The following RBL1 variants were observed in gnomAD, a reference collection of about 807,000 sequenced individuals.
The protein encoded by RBL1 is retinoblastoma-like protein 1.
RBL1 carries 82 observed loss-of-function variants against 123.0 expected under a neutral mutation model. The ratio of observed to expected loss-of-function variants is 0.67; its 90% confidence interval spans 0.56 to 0.80. RBL1 has a LOEUF of 0.80. Among genes scored for constraint, RBL1 ranks in the 30% least tolerant of loss-of-function variants. RBL1 has a pLI of 0.00. For synonymous variants in RBL1, 405 were observed against 441.3 expected (o/e 0.92, Z 1.03); for missense variants, 1,171 against 1,299.6 (o/e 0.90, Z 1.52).
intron 7 of RBL1, 99 bp from the exon 8 acceptor site, chr20:37,062,369 A>C: frequency 6.8e-7 from 1 of 1,462,124 alleles, no homozygotes; most frequent in Non-Finnish European, 9.0e-7. Flanking sequence ...AAAACTTGAC[A>C]ACTTTCTAAT....
chr20:37,018,168 T>C, intron 19 of RBL1, 111 bp downstream of exon 19: 1 of 1,243,644 alleles, frequency 8.0e-7, no homozygotes, highest in Non-Finnish European at 1.1e-6. Flanking sequence ...ATATGCATTG[T>C]CCACCTCACC....
intron 20 of RBL1, 56 bp downstream of exon 20, chr20:37,007,355 A>T (rs931742110): frequency 7.7e-6 from 12 of 1,560,518 alleles, no homozygotes; most frequent in Admixed American, 1.9e-5. Context: ...AAATAAACTT[A>T]TAGTAATCCA....
intron 19 of RBL1, among the ~76,000 whole-genome samples, chr20:37,011,467 C>T (rs1025904872): frequency 2.9e-5 from 4 of 136,594 alleles, no homozygotes; most frequent in African/African-American, 5.6e-5. Context: ...AAGAGTCTTG[C>T]TCTGTTGCCT....
At chr20:37,062,790 C>T (rs530741089) in intron 7 of RBL1, among the ~76,000 whole-genome samples, 1 of 150,292 alleles carries the variant, frequency 6.7e-6, no homozygotes, top group African/African-American at 2.5e-5. Flanking sequence ...CCCATCTCTA[C>T]TAAAAATACA....
intron 20 of RBL1, among the ~76,000 whole-genome samples, chr20:37,006,062 T>G (rs2064067424): frequency 6.6e-6 from 1 of 151,232 alleles, no homozygotes. Context: ...ACTACACGGC[T>G]AGTTTTTAGT....
At chr20:37,031,835 C>T (rs542570583) in intron 16 of RBL1, among the ~76,000 whole-genome samples, 78 of 151,666 alleles carry the variant, frequency 5.1e-4, no homozygotes, top group African/African-American at 1.8e-3. Flanking sequence ...ACCTCCTGGG[C>T]TCATGTGATC....
chr20:37,052,084 G>A (rs1198661281), intron 11 of RBL1, among the ~76,000 whole-genome samples: 1 of 151,680 alleles, frequency 6.6e-6, no homozygotes, highest in African/African-American at 2.4e-5. Context: ...CCAGGCTGGA[G>A]TGCAGTGGTG....
chr20:37,059,905 GC>G (rs1311627674), intron 9 of RBL1, among the ~76,000 whole-genome samples: 1 of 152,004 alleles, frequency 6.6e-6, no homozygotes, highest in Non-Finnish European at 1.5e-5. Context: ...GGGCGCGGTG[GC>G]TCACGTCTGT....
Position 37,003,775 on chromosome 20 carries a change from G to A in RBL1, c.2963C>T (p.Ser988Phe). Residue 988 changes from serine to phenylalanine, a missense_variant, in exon 21 of 22, where the codon TCC (serine) becomes TTC (phenylalanine). Coordinates refer to ENST00000373664, the MANE Select transcript of RBL1 (RefSeq NM_002895.5). ...AAGGCCTGACCCATTCTTGTGCGGG[G>A]AAATATAAATGGAGTGCTGCTGGGA... ...RISQQHSIYI[S>F]PHKNGSGLTP... 6.2e-7 allele frequency: 1 copy of A among 1,614,034 alleles called. No individual in the cohort carries two copies. The highest frequency in any genetic ancestry group is 1.3e-5 in the African/African-American group (1 of 75,026).
chr20:37,000,340 G>A (rs1282462883), intron 21 of RBL1, among the ~76,000 whole-genome samples: 18 of 149,964 alleles, frequency 1.2e-4, no homozygotes, highest in African/African-American at 2.7e-4. Flanking sequence ...CCCCCCACCC[G>A]GCCAGCCGCC....
chr20:37,080,016 A>C (rs1470597435), intron 2 of RBL1, among the ~76,000 whole-genome samples: 2 of 152,218 alleles, frequency 1.3e-5, no homozygotes. Context: ...AAAAATAGTC[A>C]AGGCTGGAAT....
At chr20:37,011,404 C>CTGAG (rs2064145507) in intron 19 of RBL1, among the ~76,000 whole-genome samples, 1 of 150,110 alleles carries the variant, frequency 6.7e-6, no homozygotes, top group African/African-American at 2.5e-5. Context: ...ATGACCAATG[C>CTGAG]TTTGCTCATT....
At chr20:37,034,289 A>G (rs1376796882) in intron 15 of RBL1, among the ~76,000 whole-genome samples, 1 of 152,030 alleles carries the variant, frequency 6.6e-6, no homozygotes, top group Non-Finnish European at 1.5e-5. Flanking sequence ...TTATACTTTA[A>G]ATTTATGGAA....
At chr20:37,038,183 G>C (rs554810372) in intron 14 of RBL1, among the ~76,000 whole-genome samples, 8 of 150,974 alleles carry the variant, frequency 5.3e-5, no homozygotes, top group Admixed American at 4.6e-4. Context: ...GTAGAGACAG[G>C]GTTTCACCAT....
At chr20:37,068,472 C>A (rs1315916240) in intron 2 of RBL1, among the ~76,000 whole-genome samples, 4 of 151,682 alleles carry the variant, frequency 2.6e-5, no homozygotes, top group Middle Eastern at 3.2e-3. Flanking sequence ...GGTGACAAAG[C>A]AAGACACTGT....
intron 16 of RBL1, among the ~76,000 whole-genome samples, chr20:37,025,267 C>T (rs925716443): frequency 1.3e-5 from 2 of 152,198 alleles, no homozygotes; most frequent in African/African-American, 4.8e-5. Context: ...CATCTGTAAT[C>T]CCAGCACATT....
intron 2 of RBL1, among the ~76,000 whole-genome samples, chr20:37,083,339 GC>G (rs1475793055): frequency 3.3e-5 from 5 of 151,612 alleles, no homozygotes; most frequent in Non-Finnish European, 7.4e-5. Context: ...GTGATGAAAT[GC>G]ACCTGTAGTC....
intron 21 of RBL1, among the ~76,000 whole-genome samples, 156 bp from the exon 22 acceptor site, chr20:36,999,085 G>A (rs2063922322): frequency 6.6e-6 from 1 of 152,122 alleles, no homozygotes; most frequent in Non-Finnish European, 1.5e-5. Context: ...CCTAATAAGG[G>A]ATGGCTTGAA....
intron 1 of RBL1, among the ~76,000 whole-genome samples, chr20:37,093,456 TAGTC>T (rs2065679338): frequency 6.6e-6 from 1 of 151,760 alleles, no homozygotes; most frequent in African/African-American, 2.4e-5. Flanking sequence ...TTGGGCAACA[TAGTC>T]AGATACTATC....
Sources: allele counts gnomAD v4.1 joint callset (sites outside exome capture counted in the v4.1 genomes callset), GRCh38; gene constraint gnomAD v4.1.1; transcripts MANE v1.5; gene names NCBI Gene and HGNC (gene_info 2026-07-23, HGNC 2026-07-21).